The following PTPRD variants were observed in gnomAD, a reference collection of about 807,000 sequenced individuals.
The protein encoded by PTPRD is protein tyrosine phosphatase receptor type D.
In PTPRD, 34 loss-of-function variants were observed where a neutral mutation model predicts 214.5. That is an observed-to-expected ratio of 0.16 (90% confidence interval 0.12 to 0.21). The LOEUF (loss-of-function observed/expected upper bound fraction) is 0.21, where lower values mean the gene tolerates loss of function less well. Ranked by LOEUF, PTPRD falls within the 10% of genes least tolerant of loss-of-function variation. The probability of loss-of-function intolerance (pLI) is 1.00; values close to 1 mark genes in which losing one functional copy is unlikely to be tolerated. For synonymous variants in PTPRD, 1,128 were observed against 845.7 expected (o/e 1.33, Z -5.79); for missense variants, 2,545 against 2,398.7 (o/e 1.06, Z -1.27).
At chr9:8,463,438 C>T (rs934998842) in intron 32 of PTPRD, among the ~76,000 whole-genome samples, 1 of 151,568 alleles carries the variant, frequency 6.6e-6, no homozygotes, top group Non-Finnish European at 1.5e-5. Context: ...TTTACCCACT[C>T]CATTTTGTAG....
chr9:8,998,567 T>C (rs935572769), intron 11 of PTPRD, among the ~76,000 whole-genome samples: 37 of 152,044 alleles, frequency 2.4e-4, no homozygotes, highest in African/African-American at 8.9e-4. Flanking sequence ...GATGGAAATA[T>C]GTAAGGAGAT....
chr9:9,673,088 C>T lies in PTPRD; in HGVS notation c.-287+61445G>A, dbSNP rs578048791. Reference sequence around the variant, plus strand: ...GTGATTCAAGGGACACTTCACTAGGCTGACAAACAGGTACAAATTTTGAAG... The same window carrying T: ...GTGATTCAAGGGACACTTCACTAGGTTGACAAACAGGTACAAATTTTGAAG... On this transcript the variant is annotated intron_variant, in intron 7 of 45. Transcript: ENST00000381196. Among the ~76,000 whole-genome samples the T allele has an allele frequency of 1.6e-4, 24 of 152,088 alleles. 1 individual carries two copies. Among genetic ancestry groups the T allele is most frequent in the Admixed American group, 1.4e-3 (22 of 15,276 alleles).
At chr9:10,312,103 G>C (rs1270333112) in intron 3 of PTPRD, among the ~76,000 whole-genome samples, 1 of 151,902 alleles carries the variant, frequency 6.6e-6, no homozygotes, top group South Asian at 2.1e-4. Flanking sequence ...CCAGAGTCCA[G>C]TGAGATGGAA....
At chr9:10,517,658 A>G (rs2050597830) in intron 2 of PTPRD, among the ~76,000 whole-genome samples, 2 of 152,072 alleles carry the variant, frequency 1.3e-5, no homozygotes, top group Admixed American at 6.5e-5. Context: ...CTATATACAT[A>G]TATACATTTA....
chr9:9,210,565 T>C (rs1290351407), intron 9 of PTPRD, among the ~76,000 whole-genome samples: 3 of 152,188 alleles, frequency 2.0e-5, no homozygotes, highest in Non-Finnish European at 2.9e-5. Flanking sequence ...TTTTGAATCA[T>C]ATTTAAAACA....
chr9:9,389,910 G>C (rs1481523691), intron 9 of PTPRD, among the ~76,000 whole-genome samples: 1 of 152,082 alleles, frequency 6.6e-6, no homozygotes, highest in Non-Finnish European at 1.5e-5. Flanking sequence ...AGTATTAAAG[G>C]CTGGACAAAT....
At chr9:9,077,784 A>C (rs763028786) in intron 10 of PTPRD, among the ~76,000 whole-genome samples, 24 of 152,028 alleles carry the variant, frequency 1.6e-4, no homozygotes, top group Non-Finnish European at 3.2e-4. Context: ...AGCACATGGA[A>C]CATTTCCTTG....
intron 6 of PTPRD, among the ~76,000 whole-genome samples, chr9:9,764,643 G>A (rs2098691516): frequency 6.6e-6 from 1 of 152,056 alleles, no homozygotes; most frequent in African/African-American, 2.4e-5. Context: ...TTACATAACA[G>A]ATATAAGAAA....
At position 10,230,594 on chromosome 9, in the gene PTPRD, T is replaced by C. The variant is rs942125271; in HGVS notation, c.-545+110369A>G. Among the ~76,000 whole-genome samples, 12 of 152,004 alleles carry C rather than the reference T, an allele frequency of 7.9e-5. No individual in the cohort carries two copies. The East Asian group carries it at 1.6e-3, about 20-fold the overall frequency. On this transcript the variant is annotated intron_variant, in intron 3 of 45. Transcript: ENST00000381196. ...TTATACCTGTTTTCCTTCTGCCTAA[T>C]ATGCCCTAAACACTAAGTGAAGCCA...
intron 2 of PTPRD, among the ~76,000 whole-genome samples, chr9:10,556,495 T>C (rs1473269762): frequency 1.3e-5 from 2 of 152,086 alleles, no homozygotes; most frequent in Non-Finnish European, 2.9e-5. Flanking sequence ...AGGAAAAACG[T>C]AGAAAATACT....
At chr9:8,892,680 T>C (rs1039439378) in intron 11 of PTPRD, among the ~76,000 whole-genome samples, 10 of 88,170 alleles carry the variant, frequency 1.1e-4, no homozygotes, top group African/African-American at 3.3e-4. Context: ...TGTGTATATA[T>C]ATATGAGTGT....
At chr9:8,946,208 C>A (rs2099063130) in intron 11 of PTPRD, among the ~76,000 whole-genome samples, 2 of 152,102 alleles carry the variant, frequency 1.3e-5, no homozygotes, top group African/African-American at 4.8e-5. Flanking sequence ...TTTACATTGA[C>A]AATTACTTGT....
At position 10,017,294 on chromosome 9, in the gene PTPRD, T is replaced by A. The variant is rs79903311; in HGVS notation, c.-472+16424A>T. Among the ~76,000 whole-genome samples, 956 of 151,500 alleles carry A rather than the reference T, an allele frequency of 6.3e-3. 15 individuals are homozygous for A. Among genetic ancestry groups the A allele is most frequent in the African/African-American group, 0.022 (890 of 41,358 alleles). Reference sequence around the variant, plus strand: ...CATTTCTTTGTCCATTTATTTTATCTTTTTTTTTATCAATGTTCAGGAGTC... The same window carrying A: ...CATTTCTTTGTCCATTTATTTTATCATTTTTTTTATCAATGTTCAGGAGTC... On this transcript the variant is annotated intron_variant, in intron 4 of 45. Transcript: ENST00000381196.
At chr9:9,471,646 T>C (rs1012328527) in intron 8 of PTPRD, among the ~76,000 whole-genome samples, 4 of 152,204 alleles carry the variant, frequency 2.6e-5, no homozygotes, top group African/African-American at 7.2e-5. Flanking sequence ...TTACTATATT[T>C]TGATTTTTAA....
chr9:9,331,782 G>A (rs1412784780), intron 9 of PTPRD, among the ~76,000 whole-genome samples: 6 of 152,012 alleles, frequency 3.9e-5, no homozygotes, highest in Non-Finnish European at 7.4e-5. Flanking sequence ...AATAGGTGCA[G>A]TGACATAGCA....
At chr9:9,720,818 A>G (rs1450314430) in intron 7 of PTPRD, among the ~76,000 whole-genome samples, 1 of 152,062 alleles carries the variant, frequency 6.6e-6, no homozygotes, top group African/African-American at 2.4e-5. Context: ...AACCAAAAAA[A>G]AGAATGATAT....
chr9:9,680,372 A>G (rs1413873497), intron 7 of PTPRD, among the ~76,000 whole-genome samples: 1 of 151,890 alleles, frequency 6.6e-6, no homozygotes, highest in Non-Finnish European at 1.5e-5. Flanking sequence ...TTATTTCGGC[A>G]TCATTTGTGG....
rs149355164 is a variant in PTPRD at position 9,161,879 on chromosome 9, C to T, written c.-143+21425G>A. Among the ~76,000 whole-genome samples the T allele has an allele frequency of 7.4e-4, 113 of 151,930 alleles. 2 individuals carry two copies. The East Asian group carries it at 0.021, about 28-fold the overall frequency. ...ACATATATATATATATTTAAATTGA[C>T]TAAATGTTTAAATTTTCCTGTACCT... On this transcript the variant is annotated intron_variant, in intron 10 of 45. Transcript: ENST00000381196.
intron 32 of PTPRD, 34 bp downstream of exon 32, chr9:8,465,432 C>T (rs188563805): frequency 6.3e-7 from 1 of 1,581,202 alleles, no homozygotes; most frequent in African/African-American, 1.3e-5. Context: ...TATAAGCGTA[C>T]CATAGGAAAC....
Sources: allele counts gnomAD v4.1 joint callset (sites outside exome capture counted in the v4.1 genomes callset), GRCh38; gene constraint gnomAD v4.1.1; transcripts MANE v1.5; gene names NCBI Gene and HGNC (gene_info 2026-07-23, HGNC 2026-07-21).